The following NOC3L variants were observed in gnomAD, a reference collection of about 807,000 sequenced individuals.
NOC3L encodes the protein NOC3 like DNA replication regulator, also known as nucleolar complex protein 3 homolog.
Under a neutral mutation model 102.5 loss-of-function variants are expected in NOC3L, and 85 were observed. The ratio of observed to expected loss-of-function variants is 0.83; its 90% CI spans 0.70 to 0.99. The LOEUF (loss-of-function observed/expected upper bound fraction) is 0.99, where lower values mean the gene tolerates loss of function less well. Ranked by LOEUF, NOC3L falls within the 50% of genes least tolerant of loss-of-function variation. The pLI is 0.00. For missense variants in NOC3L, 878 were observed against 914.9 expected (o/e 0.96, Z 0.52); for synonymous variants, 303 against 309.4 (o/e 0.98, Z 0.22).
chr10:94,337,661 A>G, intron 19 of NOC3L, 116 bp downstream of exon 19: 2 of 627,902 alleles, frequency 3.2e-6, no homozygotes, highest in Admixed American at 2.9e-5. Flanking sequence ...ACCAATCCAG[A>G]TACCCAACTG....
the NOC3L span, among the ~76,000 whole-genome samples, chr10:94,326,500 C>T: frequency 2.6e-5 from 4 of 152,108 alleles, no homozygotes; most frequent in African/African-American, 9.7e-5. Flanking sequence ...TTATACACAC[C>T]TCTATAACTT....
At position 94,358,221 on chromosome 10, in the gene NOC3L, C is replaced by CCA. The variant is rs111938683; in HGVS notation, c.218-8_218-7dup. ...TTCCCTCTCAATCCTTTTACCTGTACCACACACACACACACACAAAGAAAA... is the reference window on the plus strand; with the variant it reads ...TTCCCTCTCAATCCTTTTACCTGTACCACACACACACACACACACAAAGAAAA... On this transcript the variant is annotated splice_polypyrimidine_tract_variant and splice_region_variant and intron_variant, in intron 2 of 20. Transcript: ENST00000371361. 1.4e-3 allele frequency: 1,699 copies of CCA among 1,227,408 alleles called. 2 individuals carry two copies. The highest frequency in any genetic ancestry group is 2.5e-3 in the East Asian group (104 of 42,380). The allele number at this position is 1,227,408 out of a possible 1,614,324, so 76.0% of individuals were successfully genotyped here.
At chr10:94,315,187 A>G in the NOC3L span, 9 of 324,464 alleles carry the variant, frequency 2.8e-5, no homozygotes, top group African/African-American at 1.9e-4. Context: ...CATCATTTAT[A>G]GACCAAGGGC....
At chr10:94,321,452 C>T in the NOC3L span, among the ~76,000 whole-genome samples, 3 of 151,966 alleles carry the variant, frequency 2.0e-5, no homozygotes, top group Non-Finnish European at 4.4e-5. Context: ...GCCAGCATGG[C>T]GAAACCCTGT....
chr10:94,324,359 A>C, the NOC3L span: 1 of 1,613,854 alleles, frequency 6.2e-7, no homozygotes, highest in East Asian at 2.2e-5. Flanking sequence ...ACCTTATGCA[A>C]AGCCAAATAT....
the NOC3L span, among the ~76,000 whole-genome samples, chr10:94,319,862 CTCTTTTTTTTT>C: frequency 2.3e-5 from 2 of 86,198 alleles, no homozygotes; most frequent in African/African-American, 4.1e-5. Context: ...CTCAAAGGTG[CTCTTTTTTTTT>C]TTTTTTTTTT....
intron 10 of NOC3L, among the ~76,000 whole-genome samples, chr10:94,348,080 T>A (rs2054366958): frequency 1.3e-5 from 2 of 150,456 alleles, no homozygotes; most frequent in South Asian, 2.1e-4. Flanking sequence ...AGAAAAAAAA[T>A]GGTGATGAAA....
chr10:94,343,221 T>A (rs926550490), intron 13 of NOC3L, among the ~76,000 whole-genome samples: 1 of 152,158 alleles, frequency 6.6e-6, no homozygotes, highest in Non-Finnish European at 1.5e-5. Context: ...TTTTTTAAAC[T>A]TTTTTAAATA....
chr10:94,360,789 T>C (rs1326637352), intron 2 of NOC3L, among the ~76,000 whole-genome samples: 2 of 152,214 alleles, frequency 1.3e-5, no homozygotes, highest in Admixed American at 1.3e-4. Context: ...TGTATGCCTG[T>C]ATCAAAGTAC....
Position 94,338,610 on chromosome 10 carries a change from G to A in NOC3L, c.2089C>T (p.Arg697Trp), listed in dbSNP as rs529891636. ...NTALWELHAL[R>W]RHYHPIVQRF... ...AAAAAAACCAGGGCCACTCTTACCC[G>A]CAGAGCATGCAGTTCCCACAGAGCA... The change falls in exon 18 of 21, where the codon CGG becomes TGG. Residue 697 changes from arginine (R) to tryptophan (W), a missense_variant and splice_region_variant. Physicochemically the swap from Arg to Trp is moderately radical, Grantham distance 101. Transcript: ENST00000371361. 1.2e-5 allele frequency: 18 copies of A among 1,540,980 alleles called. No individual in the cohort carries two copies. The highest frequency in any genetic ancestry group is 1.7e-4 in the Middle Eastern group (1 of 5,762).
At chr10:94,344,567 C>G in intron 12 of NOC3L, 52 bp from the exon 13 acceptor site, 1 of 1,257,620 alleles carries the variant, frequency 8.0e-7, no homozygotes, top group South Asian at 1.3e-5. Flanking sequence ...TATGCTTTCT[C>G]CTGAGTGAGC....
Position 94,355,024 on chromosome 10 carries a change from TG to T in NOC3L, c.634del (p.Gln212ArgfsTer25). On this transcript the variant is annotated frameshift_variant, in exon 6 of 21. Coordinates refer to ENST00000371361, the MANE Select transcript of NOC3L (RefSeq NM_022451.11). LOFTEE classifies it high-confidence loss of function. ...EHLIERKKKL[Q>X]EKKMHIAALA... ...GGCTGCAATATGCATCTTCTTCTCCTGTAATTTCTTCTTTCTCTCAATCAAA... is the reference window on the plus strand; with the variant it reads ...GGCTGCAATATGCATCTTCTTCTCCTTAATTTCTTCTTTCTCTCAATCAAA... 1 of 1,613,042 alleles carries T rather than the reference TG, an allele frequency of 6.2e-7. No homozygotes were observed. Among genetic ancestry groups the T allele is most frequent in the South Asian group, 1.1e-5 (1 of 91,060 alleles).
chr10:94,342,743 A>G (rs2054300454), intron 13 of NOC3L, among the ~76,000 whole-genome samples: 1 of 151,980 alleles, frequency 6.6e-6, no homozygotes, highest in African/African-American at 2.4e-5. Context: ...AAAAAAAAAA[A>G]AAGCAAGTTA....
chr10:94,346,864 C>G (rs907992391), intron 10 of NOC3L, among the ~76,000 whole-genome samples: 1 of 152,166 alleles, frequency 6.6e-6, no homozygotes, highest in Non-Finnish European at 1.5e-5. Context: ...AAAGAGAAAA[C>G]AGGCCAGGAA....
the NOC3L span, chr10:94,321,826 G>C: frequency 8.9e-7 from 1 of 1,128,698 alleles, no homozygotes; most frequent in Admixed American, 1.9e-5. Context: ...TACAAGCTCA[G>C]ATTTTTGCTA....
chr10:94,316,881 T>C, the NOC3L span: 3 of 726,472 alleles, frequency 4.1e-6, no homozygotes, highest in African/African-American at 5.2e-5. Flanking sequence ...TCTTCTTAAG[T>C]AAATGTGGAT....
intron 6 of NOC3L, among the ~76,000 whole-genome samples, chr10:94,354,442 T>G (rs1184251793): frequency 6.6e-6 from 1 of 151,488 alleles, no homozygotes; most frequent in East Asian, 1.9e-4. Flanking sequence ...GGGCCAAGAT[T>G]AAACCTCAGA....
At chr10:94,324,824 AAT>A in the NOC3L span, 1 of 1,478,056 alleles carries the variant, frequency 6.8e-7, no homozygotes, top group Non-Finnish European at 9.4e-7. Context: ...GCTCTTCTGA[AAT>A]AGTGTCATGT....
At chr10:94,334,432 A>G in intron 20 of NOC3L, 127 bp from the exon 21 acceptor site, 1 of 676,312 alleles carries the variant, frequency 1.5e-6, no homozygotes, top group Non-Finnish European at 2.5e-6. Context: ...ATGCTTGGTA[A>G]GGTCTTGGAC....
Sources: allele counts gnomAD v4.1 joint callset (sites outside exome capture counted in the v4.1 genomes callset), GRCh38; gene constraint gnomAD v4.1.1; transcripts MANE v1.5; gene names NCBI Gene and HGNC (gene_info 2026-07-23, HGNC 2026-07-21).